The following RNF115 variants were observed in gnomAD, a reference collection of about 807,000 sequenced individuals.
The protein encoded by RNF115 is E3 ubiquitin-protein ligase RNF115.
Under a neutral mutation model 39.2 loss-of-function variants are expected in RNF115, and 31 were observed. That is an observed-to-expected ratio of 0.79 (90% CI 0.59 to 1.07). The LOEUF is 1.07. RNF115 is among the 50% of genes least tolerant of loss of function. The pLI is 0.00. For missense variants in RNF115, 384 were observed against 381.7 expected, an observed-to-expected ratio of 1.01 and a Z score of -0.05; for synonymous variants, 124 against 131.0, an observed-to-expected ratio of 0.95 and a Z score of 0.37.
chr1:145,782,618 T>G (rs1387060450), intron 3 of RNF115, among the ~76,000 whole-genome samples: 2 of 152,256 alleles, frequency 1.3e-5, no homozygotes, highest in Non-Finnish European at 2.9e-5. Context: ...GGAAACTGAC[T>G]ACATATATTT....
At chr1:145,791,528 GAGAA>G (rs1287544968) in intron 1 of RNF115, among the ~76,000 whole-genome samples, 3 of 148,168 alleles carry the variant, frequency 2.0e-5, no homozygotes, top group Admixed American at 1.4e-4. Context: ...AAAAAAAAAA[GAGAA>G]AGAGAGACAT....
In RNF115 at chr1:145,789,989, C is replaced by T. The variant is rs587688420; in HGVS notation, c.103-1023G>A. Among the ~76,000 whole-genome samples, 12 of 152,140 alleles carry T rather than the reference C, an allele frequency of 7.9e-5. No homozygotes were observed. The East Asian group carries it at 1.4e-3, about 17-fold the overall frequency. On this transcript the variant is annotated intron_variant, in intron 1 of 8. Coordinates refer to ENST00000582693, the MANE Select transcript of RNF115 (RefSeq NM_014455.4). ...CTGGGATTACAGGCACGAGCCACCA[C>T]GCCCAGTCCCGGCCTAGTTTTTTCT...
At chr1:145,765,708 G>A (rs587697859) in intron 4 of RNF115, among the ~76,000 whole-genome samples, 21 of 152,288 alleles carry the variant, frequency 1.4e-4, no homozygotes, top group Admixed American at 5.2e-4. Flanking sequence ...AGTCAGATAA[G>A]ATGAGCTAGT....
At position 145,762,517 on chromosome 1, in the gene RNF115, T is replaced by C. The variant is rs371194370; in HGVS notation, c.428+9194A>G. On this transcript the variant is annotated intron_variant, in intron 4 of 8. Transcript: ENST00000582693. ...CAATCTATTAAGATAAAAAAGATTA[T>C]AAAATATGTGTAGTATAATCAATTC... Among the ~76,000 whole-genome samples, 127 of 152,298 alleles carry C rather than the reference T, an allele frequency of 8.3e-4. 1 individual carries two copies. Among genetic ancestry groups the C allele is most frequent in the South Asian group, 5.6e-3 (27 of 4,818 alleles).
chr1:145,802,741 T>C (rs1649303579), intron 1 of RNF115, among the ~76,000 whole-genome samples: 1 of 152,196 alleles, frequency 6.6e-6, no homozygotes, highest in South Asian at 2.1e-4. Context: ...TCACATTCTA[T>C]TGTTTATACT....
At chr1:145,766,498 T>G (rs1280003843) in intron 4 of RNF115, among the ~76,000 whole-genome samples, 5 of 151,924 alleles carry the variant, frequency 3.3e-5, no homozygotes, top group Non-Finnish European at 5.9e-5. Flanking sequence ...CTGTTCCCAA[T>G]GAGCTGTTGA....
At chr1:145,795,596 C>A (rs1035130235) in intron 1 of RNF115, among the ~76,000 whole-genome samples, 2 of 152,130 alleles carry the variant, frequency 1.3e-5, no homozygotes, top group Non-Finnish European at 2.9e-5. Flanking sequence ...CAAGTCCCCA[C>A]CCAATCCAGA....
intron 4 of RNF115, among the ~76,000 whole-genome samples, chr1:145,764,943 G>A (rs587775785): frequency 1.3e-5 from 2 of 152,314 alleles, no homozygotes; most frequent in East Asian, 1.9e-4. Flanking sequence ...CATTGAGAAC[G>A]GGCCATGATG....
intron 4 of RNF115, among the ~76,000 whole-genome samples, chr1:145,758,481 C>T (rs1658382609): frequency 6.6e-6 from 1 of 152,110 alleles, no homozygotes; most frequent in Non-Finnish European, 1.5e-5. Flanking sequence ...AATTCCTGAC[C>T]CTCAAAAATA....
intron 4 of RNF115, among the ~76,000 whole-genome samples, chr1:145,762,034 T>TA (rs1218934310): frequency 6.6e-6 from 1 of 152,242 alleles, no homozygotes; most frequent in Non-Finnish European, 1.5e-5. Flanking sequence ...ATGGGACCTG[T>TA]AACCCCTTTG....
At chr1:145,800,930 G>C (rs1553720799) in intron 1 of RNF115, among the ~76,000 whole-genome samples, 1 of 152,048 alleles carries the variant, frequency 6.6e-6, no homozygotes, top group Non-Finnish European at 1.5e-5. Flanking sequence ...AGCACTTTGG[G>C]AGGGCCAAGG....
chr1:145,787,152 T>C (rs1648419340), intron 2 of RNF115: 1 of 554,308 alleles, frequency 1.8e-6, no homozygotes, highest in Non-Finnish European at 3.1e-6. Flanking sequence ...TTACAGATTC[T>C]TTTTGACCAG....
chr1:145,808,516 T>C (rs1337558171), intron 1 of RNF115, among the ~76,000 whole-genome samples: 3 of 152,184 alleles, frequency 2.0e-5, no homozygotes, highest in African/African-American at 7.2e-5. Context: ...CATGTCCTCC[T>C]TTGCCCAACC....
chr1:145,819,705 C>A (rs1444038323), intron 1 of RNF115, among the ~76,000 whole-genome samples: 1 of 152,150 alleles, frequency 6.6e-6, no homozygotes, highest in Non-Finnish European at 1.5e-5. Context: ...CACAAAAATT[C>A]TAAATAAAAT....
chr1:145,769,550 T>C (rs892086424), intron 4 of RNF115, among the ~76,000 whole-genome samples: 5 of 152,186 alleles, frequency 3.3e-5, no homozygotes, highest in Non-Finnish European at 4.4e-5. Context: ...CTGTAATAGA[T>C]CTAGTTCCCA....
intron 3 of RNF115, among the ~76,000 whole-genome samples, chr1:145,774,088 GT>G (rs1553716159): frequency 6.6e-6 from 1 of 152,166 alleles, no homozygotes; most frequent in East Asian, 1.9e-4. Context: ...CCTTTCCAGA[GT>G]TTTGATAAGC....
At chr1:145,806,050 G>T (rs1332778392) in intron 1 of RNF115, among the ~76,000 whole-genome samples, 1 of 152,126 alleles carries the variant, frequency 6.6e-6, no homozygotes, top group Non-Finnish European at 1.5e-5. Flanking sequence ...ATGTTTAAAT[G>T]AGATATTAAA....
rs1451936610 is a variant in RNF115, at chr1:145,740,736, ATTAAC to A, written c.*6125_*6129del. ...ATGTAGATTCTGGTGTGACTAATAA[ATTAAC>A]TTAAAAGCATTACTGAAATCATAGC... On this transcript the variant is annotated 3_prime_UTR_variant, in exon 9 of 9. Coordinates refer to ENST00000582693, the MANE Select transcript of RNF115 (RefSeq NM_014455.4). The A allele has an allele frequency of 2.0e-5, 3 of 152,336 alleles. No individual in the cohort carries two copies. Among genetic ancestry groups the A allele is most frequent in the Admixed American group, 6.5e-5 (1 of 15,300 alleles). 9.4% of individuals were successfully genotyped at this position (152,336 alleles called of 1,614,324 possible).
intron 1 of RNF115, among the ~76,000 whole-genome samples, chr1:145,821,959 A>C (rs1650266402): frequency 7.0e-6 from 1 of 143,626 alleles, no homozygotes; most frequent in Non-Finnish European, 1.5e-5. Flanking sequence ...AAAACTAGAC[A>C]CCTGCTCTTC....
Sources: allele counts gnomAD v4.1 joint callset (sites outside exome capture counted in the v4.1 genomes callset), GRCh38; gene constraint gnomAD v4.1.1; transcripts MANE v1.5; gene names NCBI Gene and HGNC (gene_info 2026-07-23, HGNC 2026-07-21).